Variants in BLM observed in about 807,000 individuals in gnomAD.
The protein encoded by BLM is BLM RecQ like helicase.
Under a neutral mutation model 135.3 loss-of-function variants are expected in BLM, and 95 were observed. The ratio of observed to expected loss-of-function variants is 0.70; its 90% CI spans 0.59 to 0.83. The LOEUF is 0.83. Among genes scored for constraint, BLM ranks in the 40% least tolerant of loss-of-function variants. BLM has a pLI of 0.00. For synonymous variants in BLM, 520 were observed against 589.2 expected (o/e 0.88, Z 1.70); for missense variants, 1,518 against 1,663.9 (o/e 0.91, Z 1.53).
At chr15:90,765,526 GT>G in intron 9 of BLM, 112 bp downstream of exon 9, 1 of 885,288 alleles carries the variant, frequency 1.1e-6, no homozygotes. Flanking sequence ...AAGCACAGCA[GT>G]TAAATTTGCA....
intron 21 of BLM, among the ~76,000 whole-genome samples, chr15:90,814,183 G>A (rs574214620): frequency 6.6e-6 from 1 of 152,274 alleles, no homozygotes; most frequent in African/African-American, 2.4e-5. Flanking sequence ...CACAGGCTGT[G>A]GCCCTATACC....
chr15:90,789,996 T>TG (rs1896860877), intron 14 of BLM, among the ~76,000 whole-genome samples: 2 of 63,914 alleles, frequency 3.1e-5, no homozygotes, highest in Admixed American at 2.7e-4. Flanking sequence ...TGTTTTTTTT[T>TG]TTTTTTTTTT....
intron 17 of BLM, among the ~76,000 whole-genome samples, chr15:90,802,700 T>C (rs1224324332): frequency 6.6e-6 from 1 of 152,124 alleles, no homozygotes; most frequent in African/African-American, 2.4e-5. Context: ...CCCAATACTG[T>C]GAGAAGCCAG....
chr15:90,775,149 G>A (rs1896439501), intron 12 of BLM, among the ~76,000 whole-genome samples: 1 of 152,158 alleles, frequency 6.6e-6, no homozygotes, highest in East Asian at 1.9e-4. Flanking sequence ...AACAGCAGAA[G>A]TGGAAGGAAG....
chr15:90,789,732 G>A (rs1262947133), intron 14 of BLM, among the ~76,000 whole-genome samples: 1 of 152,052 alleles, frequency 6.6e-6, no homozygotes, highest in Non-Finnish European at 1.5e-5. Flanking sequence ...CTGCCTGCCA[G>A]ATATTTCAGA....
At chr15:90,771,543 T>C (rs1198833716) in intron 12 of BLM, among the ~76,000 whole-genome samples, 4 of 150,454 alleles carry the variant, frequency 2.7e-5, no homozygotes, top group African/African-American at 9.7e-5. Flanking sequence ...TAGATTCTAA[T>C]AAATAACCTA....
In BLM at chr15:90,720,389, C is replaced by T. The variant is rs1354901865; in HGVS notation, c.-5+2949C>T. Among the ~76,000 whole-genome samples, 5 of 152,072 alleles carry T rather than the reference C, an allele frequency of 3.3e-5. 1 individual carries two copies. The East Asian group carries it at 7.7e-4, about 23-fold the overall frequency. The stretch of plus-strand genomic sequence containing the variant: ...TTGAGTTTACTTTCTTTAAAAATTC[C>T]CGTATTTTATTGAAACATATTCTCA... On this transcript the variant is annotated intron_variant, in intron 1 of 21. Transcript: ENST00000355112.
intron 1 of BLM, among the ~76,000 whole-genome samples, chr15:90,735,173 C>G (rs544200636): frequency 7.0e-6 from 1 of 143,398 alleles, no homozygotes; most frequent in East Asian, 2.0e-4. Flanking sequence ...ACAAAAATAG[C>G]CTTAAACAAA....
At chr15:90,810,175 C>A (rs1219490920) in intron 20 of BLM, among the ~76,000 whole-genome samples, 1 of 151,588 alleles carries the variant, frequency 6.6e-6, no homozygotes, top group Non-Finnish European at 1.5e-5. Flanking sequence ...ACCTCAGCCT[C>A]CCCAGTAGCT....
chr15:90,782,312 C>T (rs1194608404), intron 12 of BLM, among the ~76,000 whole-genome samples: 1 of 152,078 alleles, frequency 6.6e-6, no homozygotes, highest in Non-Finnish European at 1.5e-5. Context: ...GGCTTGAACC[C>T]AGCAGGCAGA....
chr15:90,783,099 C>T (rs1005884259), intron 13 of BLM, among the ~76,000 whole-genome samples, 171 bp downstream of exon 13: 4 of 152,188 alleles, frequency 2.6e-5, no homozygotes, highest in Non-Finnish European at 5.9e-5. Context: ...ATTATAAAAT[C>T]TCATTTGGTT....
intron 4 of BLM, 128 bp from the exon 5 acceptor site, chr15:90,754,664 TTATAATTGAGGAAATTTAA>T: frequency 1.1e-6 from 1 of 936,830 alleles, no homozygotes; most frequent in Non-Finnish European, 1.6e-6. Flanking sequence ...TAAAGAAGTT[TTATAATTGAGGAAATTTAA>T]AAAACTACTT....
At chr15:90,767,952 C>CT (rs796611948) in intron 10 of BLM, among the ~76,000 whole-genome samples, 4,162 of 138,336 alleles carry the variant, frequency 0.03, 180 homozygotes, top group African/African-American at 0.097. Context: ...CTTTTTTTTT[C>CT]TTTTTTTTTT....
intron 14 of BLM, among the ~76,000 whole-genome samples, chr15:90,786,975 A>G (rs1442444288): frequency 6.8e-6 from 1 of 146,680 alleles, no homozygotes; most frequent in African/African-American, 2.5e-5. Flanking sequence ...TGTTTCCGAG[A>G]TGAGAAATTT....
intron 10 of BLM, among the ~76,000 whole-genome samples, chr15:90,768,096 T>C (rs7162918): frequency 0.44 from 65,956 of 151,492 alleles, 16,527 homozygotes; most frequent in African/African-American, 0.7. Flanking sequence ...GTGTGTGCCA[T>C]GATACCTGGC....
At chr15:90,745,723 T>C (rs1163188653) in intron 1 of BLM, among the ~76,000 whole-genome samples, 1 of 152,188 alleles carries the variant, frequency 6.6e-6, no homozygotes, top group Non-Finnish European at 1.5e-5. Flanking sequence ...GTGAATATAC[T>C]GTATAGTAGT....
Position 90,811,315 on chromosome 15 carries a change from A to G in BLM, c.3985A>G (p.Lys1329Glu), listed in dbSNP as rs190652985. Residue 1329 changes from lysine to glutamate, a missense_variant, in exon 21 of 22, where the codon AAA becomes GAA. This residue lies in a region of BLM where 153 missense variants were observed against 173.4 expected (regional missense o/e 0.88). Coordinates refer to ENST00000355112, the MANE Select transcript of BLM (RefSeq NM_000057.4). ...CGTATCTTCCCACTACTTTGCAAGT[A>G]AAACCAGAAATGAAAGGAAGAGGAA... ...IPVSSHYFASKTRNERKRKKM... is the reference protein window; with the variant it reads ...IPVSSHYFASETRNERKRKKM... The G allele has an allele frequency of 7.4e-6, 12 of 1,614,240 alleles. No individual in the cohort carries two copies. In the East Asian group the frequency reaches 2.5e-4, roughly 33 times the overall value.
In BLM at chr15:90,782,827, G is replaced by A. The variant is rs758692622; in HGVS notation, c.2561G>A (p.Ser854Asn). 5.0e-6 allele frequency: 8 copies of A among 1,610,066 alleles called. No individual in the cohort carries two copies. The Admixed American group carries it at 1.2e-4, about 23-fold the overall frequency. Residue 854 changes from serine to asparagine, a missense_variant, in exon 13 of 22, where the codon AGC (serine) becomes AAC (asparagine). This residue lies in a region of BLM where 626 missense variants were observed against 681.1 expected (regional missense o/e 0.92). Transcript: ENST00000355112. ...QLKILRPQVF[S>N]MSFNRHNLKY... ...TATGTTTGGGACTTTTTTAGGTTTA[G>A]CATGAGCTTTAACAGACATAATCTG...
intron 19 of BLM, among the ~76,000 whole-genome samples, chr15:90,807,487 C>T (rs1897310204): frequency 6.6e-6 from 1 of 152,098 alleles, no homozygotes. Context: ...GCAGCCTAGA[C>T]CTCCTGGGCT....
Sources: allele counts gnomAD v4.1 joint callset (sites outside exome capture counted in the v4.1 genomes callset), GRCh38; gene constraint gnomAD v4.1.1; regional missense constraint gnomAD v4.1.1; transcripts MANE v1.5; gene names NCBI Gene and HGNC (gene_info 2026-07-23, HGNC 2026-07-21).